Variants in NDE1 observed in about 807,000 individuals in gnomAD.
The protein encoded by NDE1 is nudE neurodevelopment protein 1.
In NDE1, 28 loss-of-function variants were observed where a neutral mutation model predicts 43.4. The ratio of observed to expected loss-of-function variants is 0.65; its 90% CI spans 0.48 to 0.89. The LOEUF (loss-of-function observed/expected upper bound fraction) is 0.89, where lower values mean the gene tolerates loss of function less well. Among genes scored for constraint, NDE1 ranks in the 40% least tolerant of loss-of-function variants. NDE1 has a pLI of 0.00. For synonymous variants in NDE1, 184 were observed against 172.0 expected (o/e 1.07, Z -0.55); for missense variants, 441 against 434.1 (o/e 1.02, Z -0.14).
At position 15,724,504 on chromosome 16, in the gene NDE1, C is replaced by T. The variant is rs970541413; in HGVS notation, c.*253C>T. Reference sequence around the variant, plus strand: ...CTCTGAGAAGCGAAGACCATGTCTCCTCGTTGGAGAAACCCAATAGCAGGG... The same window carrying T: ...CTCTGAGAAGCGAAGACCATGTCTCTTCGTTGGAGAAACCCAATAGCAGGG... On this transcript the variant is annotated 3_prime_UTR_variant, in exon 9 of 9. Transcript: ENST00000396354. 5 of 1,608,424 alleles carry T rather than the reference C, an allele frequency of 3.1e-6. No homozygotes were observed. In the South Asian group the frequency reaches 4.4e-5, roughly 14 times the overall value.
At chr16:15,678,390 C>T (rs144340589) in intron 4 of NDE1, among the ~76,000 whole-genome samples, 4 of 151,834 alleles carry the variant, frequency 2.6e-5, no homozygotes, top group South Asian at 4.2e-4. Context: ...TTTTTGGAGA[C>T]GGAGAGTCTC....
chr16:15,669,343 T>TCCA (rs2037473524), intron 3 of NDE1, among the ~76,000 whole-genome samples: 1 of 143,330 alleles, frequency 7.0e-6, no homozygotes, highest in Non-Finnish European at 1.5e-5. Context: ...ACAGGCACCC[T>TCCA]CCACCACGCC....
Position 15,691,243 on chromosome 16 carries a change from C to T in NDE1, c.623C>T (p.Ala208Val), listed in dbSNP as rs587783867. The T allele has an allele frequency of 3.7e-6, 6 of 1,614,202 alleles. No homozygotes were observed. Among genetic ancestry groups the T allele is most frequent in the Non-Finnish European group, 4.2e-6 (5 of 1,180,026 alleles). ...GAGAGGACAGACACAGCTGTGCAGG[C>T]CACGGGCTCCGTGCCGTCCACGCCC... ...EAERTDTAVQ[A>V]TGSVPSTPIA... Residue 208 changes from alanine to valine, a missense_variant, in exon 6 of 9, where the codon GCC (alanine) becomes GTC (valine). Coordinates refer to ENST00000396354, the MANE Select transcript of NDE1 (RefSeq NM_017668.3).
chr16:15,647,178 G>A (rs553737701), upstream of NDE1, among the ~76,000 whole-genome samples: 1 of 152,376 alleles, frequency 6.6e-6, no homozygotes, highest in East Asian at 1.9e-4. Flanking sequence ...CCTGTTGATA[G>A]GTGGTGGGGT....
intron 8 of NDE1, chr16:15,717,395 G>A (rs763827908): frequency 6.3e-7 from 1 of 1,591,054 alleles, no homozygotes; most frequent in Non-Finnish European, 8.5e-7. Flanking sequence ...GGAAGCCCAA[G>A]AGAGCGCACT....
chr16:15,677,899 A>G lies in NDE1; in HGVS notation c.336A>G (p.Lys112=), dbSNP rs748775837. The G allele has an allele frequency of 1.2e-6, 2 of 1,614,094 alleles. No individual in the cohort carries two copies. The highest frequency in any genetic ancestry group is 2.2e-5 in the South Asian group (2 of 91,076). Residue 112 remains lysine (K), a synonymous_variant, in exon 4 of 9, where the codon AAA becomes AAG. Transcript: ENST00000396354. ...QTKAIKDQLQ[K]YIRELEQAND... ...AAGCCATTAAAGACCAATTGCAGAA[A>G]TACATCAGAGAGCTGGAGCAAGCAA... is the stretch of plus-strand genomic sequence containing the variant.
chr16:15,715,369 G>A, intron 8 of NDE1: 1 of 1,092,170 alleles, frequency 9.2e-7, no homozygotes, highest in Admixed American at 1.8e-5. Context: ...GCTTTCCTGA[G>A]CCCCGTATCT....
At chr16:15,692,400 G>A (rs564223538) in intron 6 of NDE1, among the ~76,000 whole-genome samples, 76 of 152,228 alleles carry the variant, frequency 5.0e-4, no homozygotes, top group Non-Finnish European at 8.8e-5. Flanking sequence ...TAGAATTCCG[G>A]TGCAGAGCCC....
At chr16:15,672,277 A>T (rs1483318459) in intron 3 of NDE1, among the ~76,000 whole-genome samples, 1 of 152,008 alleles carries the variant, frequency 6.6e-6, no homozygotes, top group Admixed American at 6.6e-5. Flanking sequence ...TACTAAAAAT[A>T]AAAAAATTAG....
intron 3 of NDE1, among the ~76,000 whole-genome samples, chr16:15,671,610 G>A (rs2037596683): frequency 6.6e-6 from 1 of 152,142 alleles, no homozygotes; most frequent in Admixed American, 6.5e-5. Flanking sequence ...GCCTCTCCCT[G>A]TACTTGGCCC....
intron 8 of NDE1, among the ~76,000 whole-genome samples, chr16:15,707,036 G>A (rs954438673): frequency 2.0e-5 from 3 of 152,052 alleles, no homozygotes; most frequent in African/African-American, 7.2e-5. Flanking sequence ...TCTGATCCTG[G>A]AGAATCTGGA....
At chr16:15,699,347 C>T (rs1401571307) in intron 8 of NDE1, among the ~76,000 whole-genome samples, 1 of 150,776 alleles carries the variant, frequency 6.6e-6, no homozygotes, top group Non-Finnish European at 1.5e-5. Context: ...GCAACCTCCG[C>T]CTCCTGGGCT....
rs747392139 is a variant in NDE1 at position 15,708,829 on chromosome 16, TG to T, written c.947+11977del. ...TGGTGCATCACTGCGAAGTTTCCTGTGGGGGGGGCCCTCTGAAACAGAGAGA... is the reference window on the plus strand; with the variant it reads ...TGGTGCATCACTGCGAAGTTTCCTGTGGGGGGGCCCTCTGAAACAGAGAGA... On this transcript the variant is annotated intron_variant, in intron 8 of 8. Transcript: ENST00000396354. The T allele has an allele frequency of 8.7e-6, 14 of 1,605,644 alleles. No individual in the cohort carries two copies. Among genetic ancestry groups the T allele is most frequent in the Admixed American group, 5.1e-5 (3 of 59,132 alleles).
chr16:15,673,610 G>A (rs747492390), intron 3 of NDE1, among the ~76,000 whole-genome samples: 13 of 151,068 alleles, frequency 8.6e-5, no homozygotes, highest in Non-Finnish European at 1.8e-4. Context: ...ATAGTTTACT[G>A]GAGCCTCAAC....
intron 1 of NDE1, among the ~76,000 whole-genome samples, chr16:15,654,502 G>C (rs922640750): frequency 2.7e-4 from 40 of 148,908 alleles, no homozygotes; most frequent in Non-Finnish European, 4.3e-4. Context: ...TAGGGACGCT[G>C]AGGTAGGAGA....
In NDE1 at chr16:15,688,178, A is replaced by C. The variant is rs140004623; in HGVS notation, c.523+667A>C. 2.6e-5 allele frequency among the ~76,000 whole-genome samples: 4 copies of C among 152,118 alleles called. 1 individual carries two copies. The East Asian group carries it at 7.8e-4, about 29-fold the overall frequency. On this transcript the variant is annotated intron_variant, in intron 5 of 8. Transcript: ENST00000396354. The stretch of plus-strand genomic sequence containing the variant: ...GTGACAGAGTGAGACCCTGTCTCTT[A>C]AGAAGCAAAGATGTTGTGGGGAGAA...
chr16:15,715,214 A>G (rs1225099089), intron 8 of NDE1: 1 of 1,613,988 alleles, frequency 6.2e-7, no homozygotes, highest in African/African-American at 1.3e-5. Flanking sequence ...ACCTGCAGCA[A>G]GATTTCCTTC....
intron 6 of NDE1, 40 bp downstream of exon 6, chr16:15,691,363 A>G: frequency 1.2e-6 from 2 of 1,603,584 alleles, no homozygotes; most frequent in South Asian, 1.1e-5. Flanking sequence ...TCGGTTCACA[A>G]AGTGTTTCTG....
intron 8 of NDE1, chr16:15,719,502 C>A: frequency 6.2e-7 from 1 of 1,601,566 alleles, no homozygotes; most frequent in South Asian, 1.1e-5. Flanking sequence ...GAAATGAAAT[C>A]TGGGAATGCA....
Sources: gnomAD v4.1 joint callset for allele counts (sites outside exome capture counted in the v4.1 genomes callset) on GRCh38, gnomAD v4.1.1 for gene constraint, MANE v1.5 for transcripts, NCBI Gene and HGNC (gene_info 2026-07-23, HGNC 2026-07-21) for gene names.